The following CNTN6 variants were observed in gnomAD, a reference collection of about 807,000 sequenced individuals.
CNTN6 encodes contactin-6.
CNTN6 carries 137 observed loss-of-function variants against 122.8 expected under a neutral mutation model. The ratio of observed to expected loss-of-function variants is 1.12; its 90% CI spans 0.97 to 1.29. The LOEUF is 1.29. Ranked by LOEUF, CNTN6 falls within the 50% of genes most tolerant of loss-of-function variation. CNTN6 has a pLI of 0.00. For synonymous variants in CNTN6, 570 were observed against 426.0 expected (o/e 1.34, Z -4.16); for missense variants, 1,634 against 1,223.4 (o/e 1.34, Z -5.01).
At chr3:1,247,622 T>C (rs2094600519) in intron 4 of CNTN6, among the ~76,000 whole-genome samples, 1 of 152,164 alleles carries the variant, frequency 6.6e-6, no homozygotes, top group Non-Finnish European at 1.5e-5. Flanking sequence ...TATCTTTCAT[T>C]GGATAAAAAT....
chr3:1,349,157 G>C lies in CNTN6; in HGVS notation c.1365-3167G>C, dbSNP rs265755. On this transcript the variant is annotated intron_variant, in intron 11 of 22. Transcript: ENST00000446702. ...TTTGGAAGTCTCCCATCATTTCATG[G>C]TGCTCACAAATTTCCACACATATTT... Among the ~76,000 whole-genome samples, 570 of 151,842 alleles carry C rather than the reference G, an allele frequency of 3.8e-3. 2 individuals carry two copies. The highest frequency in any genetic ancestry group is 0.013 in the African/African-American group (545 of 41,446).
intron 4 of CNTN6, among the ~76,000 whole-genome samples, chr3:1,252,839 C>T (rs533595497): frequency 6.6e-5 from 10 of 152,222 alleles, no homozygotes; most frequent in Non-Finnish European, 8.8e-5. Context: ...AGATGCATCT[C>T]CGAGAACCTT....
chr3:1,216,185 C>T (rs1321830002), intron 2 of CNTN6, among the ~76,000 whole-genome samples: 15 of 151,380 alleles, frequency 9.9e-5, no homozygotes. Context: ...TTTCATTGCT[C>T]TTCAGCCAGA....
chr3:1,282,739 T>A (rs920108979), intron 5 of CNTN6, among the ~76,000 whole-genome samples: 4 of 152,200 alleles, frequency 2.6e-5, no homozygotes, highest in African/African-American at 9.6e-5. Flanking sequence ...CTCTCACTGG[T>A]AGGCTGTGAC....
intron 2 of CNTN6, among the ~76,000 whole-genome samples, chr3:1,176,749 G>C (rs2093457888): frequency 2.6e-5 from 4 of 152,160 alleles, no homozygotes; most frequent in African/African-American, 9.6e-5. Flanking sequence ...TGTGGAAATA[G>C]AAGCAATAGA....
At chr3:1,387,373 A>G (rs1410818022) in intron 20 of CNTN6, among the ~76,000 whole-genome samples, 4 of 152,332 alleles carry the variant, frequency 2.6e-5, no homozygotes, top group African/African-American at 7.2e-5. Flanking sequence ...GACTAAATCA[A>G]TGAAGTTGTT....
intron 4 of CNTN6, among the ~76,000 whole-genome samples, chr3:1,238,241 A>G (rs1420164698): frequency 6.6e-6 from 1 of 152,192 alleles, no homozygotes; most frequent in East Asian, 1.9e-4. Context: ...AAAGGGGTGG[A>G]AAAAGATATT....
intron 1 of CNTN6, among the ~76,000 whole-genome samples, chr3:1,103,361 G>C (rs1036941636): frequency 2.6e-5 from 4 of 152,128 alleles, no homozygotes; most frequent in African/African-American, 9.7e-5. Context: ...AGAATTAGCC[G>C]GTGCTTATAA....
chr3:1,189,591 T>A (rs931664890), intron 2 of CNTN6, among the ~76,000 whole-genome samples: 1 of 152,224 alleles, frequency 6.6e-6, no homozygotes, highest in African/African-American at 2.4e-5. Context: ...AATTTTGGAC[T>A]GTTAGAGCCA....
intron 2 of CNTN6, among the ~76,000 whole-genome samples, chr3:1,199,862 C>A (rs527485461): frequency 5.9e-5 from 9 of 152,258 alleles, no homozygotes; most frequent in East Asian, 3.9e-4. Flanking sequence ...CAGTCAATTT[C>A]TTCCATTCTA....
chr3:1,122,485 C>T (rs1417745657), intron 1 of CNTN6, among the ~76,000 whole-genome samples: 5 of 149,806 alleles, frequency 3.3e-5, no homozygotes, highest in African/African-American at 2.4e-5. Context: ...GTAAAGTGGA[C>T]AATTCGGTTG....
intron 7 of CNTN6, among the ~76,000 whole-genome samples, chr3:1,304,442 C>T (rs1006898179): frequency 2.0e-5 from 3 of 152,294 alleles, no homozygotes; most frequent in South Asian, 4.1e-4. Flanking sequence ...TAGATTCTGA[C>T]TTCAAAACTC....
At chr3:1,121,780 T>C (rs1323913557) in intron 1 of CNTN6, among the ~76,000 whole-genome samples, 1 of 152,026 alleles carries the variant, frequency 6.6e-6, no homozygotes, top group Non-Finnish European at 1.5e-5. Context: ...TTACCTATTT[T>C]ATTACTATTG....
At chr3:1,237,107 A>G (rs2094432614) in intron 4 of CNTN6, among the ~76,000 whole-genome samples, 1 of 151,994 alleles carries the variant, frequency 6.6e-6, no homozygotes, top group Admixed American at 6.6e-5. Flanking sequence ...AAGCCACCAA[A>G]AAAAGGTGAA....
chr3:1,329,508 C>T (rs929018189), intron 10 of CNTN6, among the ~76,000 whole-genome samples: 4 of 151,674 alleles, frequency 2.6e-5, no homozygotes, highest in African/African-American at 4.8e-5. Context: ...CTATACTTTG[C>T]GCCAGGCACT....
intron 2 of CNTN6, among the ~76,000 whole-genome samples, chr3:1,161,275 A>G (rs868447081): frequency 2.0e-5 from 2 of 102,054 alleles, no homozygotes; most frequent in East Asian, 4.1e-4. Context: ...ATATATATAT[A>G]TAATGATAGC....
intron 4 of CNTN6, among the ~76,000 whole-genome samples, chr3:1,234,732 AT>A (rs1329824876): frequency 1.3e-5 from 2 of 152,142 alleles, no homozygotes; most frequent in African/African-American, 2.4e-5. Flanking sequence ...ATGAAGAAAT[AT>A]TTTTTCTTTA....
At chr3:1,210,817 T>A (rs2094026100) in intron 2 of CNTN6, among the ~76,000 whole-genome samples, 1 of 152,218 alleles carries the variant, frequency 6.6e-6, no homozygotes, top group Non-Finnish European at 1.5e-5. Flanking sequence ...AAATTGCCAT[T>A]AAAGGCATTA....
In CNTN6 at chr3:1,245,312, A is replaced by ATGT. The variant is rs1559597973; in HGVS notation, c.358+17320_358+17321insGTT. 4.4e-3 allele frequency among the ~76,000 whole-genome samples: 84 copies of ATGT among 19,210 alleles called. 10 individuals are homozygous for ATGT. Among genetic ancestry groups the ATGT allele is most frequent in the African/African-American group, 0.018 (83 of 4,742 alleles). 12.6% of individuals were successfully genotyped at this position (19,210 alleles called of 152,430 possible). A position where few individuals can be genotyped will look rare whatever the true frequency, so the allele number is the denominator to read the frequency against. Reference sequence around the variant, plus strand: ...ATATATAACATATATATATATATATATATATATATATATATATATATATAG... The same window carrying ATGT: ...ATATATAACATATATATATATATATATGTTATATATATATATATATATATATAG... On this transcript the variant is annotated intron_variant, in intron 4 of 22. Transcript: ENST00000446702.
Sources: allele counts gnomAD v4.1 joint callset (sites outside exome capture counted in the v4.1 genomes callset), GRCh38; gene constraint gnomAD v4.1.1; transcripts MANE v1.5; gene names NCBI Gene and HGNC (gene_info 2026-07-23, HGNC 2026-07-21).